Variants in SDCBP observed in about 807,000 individuals in gnomAD.
SDCBP encodes syndecan binding protein.
A neutral mutation model predicts 30.5 loss-of-function variants in SDCBP; 22 were observed. The observed-to-expected ratio is 0.72, with a 90% confidence interval of 0.52 to 1.03. The LOEUF is 1.03. Ranked by LOEUF, SDCBP falls within the 50% of genes least tolerant of loss-of-function variation. SDCBP has a pLI of 0.00. For synonymous variants in SDCBP, 103 were observed against 118.7 expected, an observed-to-expected ratio of 0.87 and a Z score of 0.86; for missense variants, 304 against 369.9, an observed-to-expected ratio of 0.82 and a Z score of 1.46.
intron 1 of SDCBP, among the ~76,000 whole-genome samples, chr8:58,564,162 C>T (rs1181146787): frequency 6.6e-6 from 1 of 152,112 alleles, no homozygotes; most frequent in Non-Finnish European, 1.5e-5. Context: ...AGCTCAGCTC[C>T]ATTTTGGGAG....
intron 5 of SDCBP, 98 bp downstream of exon 5, chr8:58,576,159 T>C (rs1805303920): frequency 6.8e-6 from 6 of 881,680 alleles, no homozygotes; most frequent in Admixed American, 2.4e-5. Context: ...TTAATTATAA[T>C]AGTGCATCTG....
intron 5 of SDCBP, among the ~76,000 whole-genome samples, chr8:58,576,829 C>G (rs1305833695): frequency 6.6e-6 from 1 of 152,210 alleles, no homozygotes; most frequent in East Asian, 1.9e-4. Context: ...TTAGTGCATC[C>G]AGCCTTTCCA....
chr8:58,557,491 T>C (rs1804212799), intron 1 of SDCBP, among the ~76,000 whole-genome samples: 1 of 145,542 alleles, frequency 6.9e-6, no homozygotes, highest in East Asian at 2.0e-4. Context: ...ATAATACATA[T>C]GCACACACAC....
intron 1 of SDCBP, among the ~76,000 whole-genome samples, chr8:58,564,681 A>G (rs1209275530): frequency 6.6e-6 from 1 of 152,236 alleles, no homozygotes; most frequent in Non-Finnish European, 1.5e-5. Context: ...AGTCCTGGCT[A>G]AGTTGCAAGT....
At position 58,565,091 on chromosome 8, in the gene SDCBP, T is replaced by C. The variant is rs1431596332; in HGVS notation, c.51+7T>C. On this transcript the variant is annotated splice_region_variant and intron_variant, in intron 2 of 8. Coordinates refer to ENST00000260130, the MANE Select transcript of SDCBP (RefSeq NM_005625.4). ...GGTAGACAAAGTAATTCAGGTATGATAGTTTAAATACTTTTGTCAAAACAA... is the reference window on the plus strand; with the variant it reads ...GGTAGACAAAGTAATTCAGGTATGACAGTTTAAATACTTTTGTCAAAACAA... 1.3e-6 allele frequency: 2 copies of C among 1,503,200 alleles called. No homozygotes were observed. The highest frequency in any genetic ancestry group is 1.8e-5 in the Admixed American group (1 of 54,794). 93.1% of individuals were successfully genotyped at this position (1,503,200 alleles called of 1,614,324 possible).
At chr8:58,580,029 G>A (rs1563517216) in intron 7 of SDCBP, 4 of 373,524 alleles carry the variant, frequency 1.1e-5, no homozygotes, top group Non-Finnish European at 1.9e-5. Flanking sequence ...CTAGAATTCT[G>A]TGGAAATATG....
At position 58,554,891 on chromosome 8, in the gene SDCBP, A is replaced by T. The variant is rs117479782; in HGVS notation, c.-16+1588A>T. Among the ~76,000 whole-genome samples the T allele has an allele frequency of 1.3e-3, 199 of 152,350 alleles. 4 individuals carry two copies. The East Asian group carries it at 0.035, about 27-fold the overall frequency. On this transcript the variant is annotated intron_variant, in intron 1 of 8. Coordinates refer to ENST00000260130, the MANE Select transcript of SDCBP (RefSeq NM_005625.4). ...GTAAATGTATTGTTTTTGAGTAGGT[A>T]AACAGTCACTTGTCTCAAAATTTAA...
chr8:58,553,534 C>G (rs1485110318), intron 1 of SDCBP, among the ~76,000 whole-genome samples: 1 of 151,170 alleles, frequency 6.6e-6, no homozygotes, highest in African/African-American at 2.5e-5. Flanking sequence ...GCCGCGACCC[C>G]GCGCGTTTCG....
intron 1 of SDCBP, among the ~76,000 whole-genome samples, 157 bp from the exon 2 acceptor site, chr8:58,564,862 G>A (rs1563506993): frequency 6.6e-6 from 1 of 151,944 alleles, no homozygotes; most frequent in Non-Finnish European, 1.5e-5. Flanking sequence ...CTAACTTTTA[G>A]TATGGCCTAT....
At chr8:58,571,042 ATT>A (rs539215306) in intron 3 of SDCBP, 77 bp downstream of exon 3, 1 of 1,107,138 alleles carries the variant, frequency 9.0e-7, no homozygotes, top group Non-Finnish European at 1.3e-6. Context: ...GGAATCCAAG[ATT>A]TTTTTTTGGA....
chr8:58,554,980 A>C (rs1804017726), intron 1 of SDCBP, among the ~76,000 whole-genome samples: 1 of 151,942 alleles, frequency 6.6e-6, no homozygotes, highest in Admixed American at 6.6e-5. Context: ...TACATTTCTT[A>C]GGTATTCTAG....
At chr8:58,574,077 T>G (rs1805193548) in intron 4 of SDCBP, among the ~76,000 whole-genome samples, 1 of 152,210 alleles carries the variant, frequency 6.6e-6, no homozygotes, top group Admixed American at 6.5e-5. Context: ...AAAATCATTT[T>G]TAACTCAGGG....
At chr8:58,571,247 A>G (rs947053343) in intron 3 of SDCBP, among the ~76,000 whole-genome samples, 2 of 152,210 alleles carry the variant, frequency 1.3e-5, no homozygotes, top group Non-Finnish European at 2.9e-5. Flanking sequence ...TGAATGAATT[A>G]TATATATGAA....
chr8:58,555,549 G>A (rs972197650), intron 1 of SDCBP, among the ~76,000 whole-genome samples: 1 of 152,154 alleles, frequency 6.6e-6, no homozygotes, highest in Non-Finnish European at 1.5e-5. Context: ...AAGTCCTTCC[G>A]TGAAATCTGT....
intron 1 of SDCBP, chr8:58,561,699 T>A (rs1313484346): frequency 1.6e-6 from 1 of 644,118 alleles, no homozygotes; most frequent in East Asian, 2.8e-5. Flanking sequence ...CCAATGGGAG[T>A]CTGTTAAATG....
intron 1 of SDCBP, chr8:58,560,900 G>T (rs944441261): frequency 2.6e-5 from 4 of 152,108 alleles, no homozygotes; most frequent in Admixed American, 2.0e-4. Flanking sequence ...AAAATATCCA[G>T]GAACCTACTT....
intron 7 of SDCBP, 108 bp downstream of exon 7, chr8:58,579,902 G>A: frequency 9.6e-7 from 1 of 1,043,504 alleles, no homozygotes; most frequent in Non-Finnish European, 1.4e-6. Flanking sequence ...GGGAGATGGG[G>A]AACGTGGGGC....
intron 1 of SDCBP, among the ~76,000 whole-genome samples, chr8:58,554,443 A>C (rs1192515383): frequency 6.6e-6 from 1 of 152,242 alleles, no homozygotes; most frequent in Non-Finnish European, 1.5e-5. Flanking sequence ...TTTGTGCCTT[A>C]AATGGTACAT....
At chr8:58,553,455 G>A (rs886408846) in intron 1 of SDCBP, among the ~76,000 whole-genome samples, 152 bp downstream of exon 1, 10 of 152,158 alleles carry the variant, frequency 6.6e-5, no homozygotes, top group African/African-American at 2.2e-4. Flanking sequence ...TCTCCTCAGG[G>A]GGCTCCGCGC....
Sources: allele counts gnomAD v4.1 joint callset (sites outside exome capture counted in the v4.1 genomes callset), GRCh38; gene constraint gnomAD v4.1.1; transcripts MANE v1.5; gene names NCBI Gene and HGNC (gene_info 2026-07-23, HGNC 2026-07-21).